The following CDC45 variants were observed in gnomAD, a reference collection of about 807,000 sequenced individuals.
CDC45 encodes cell division cycle 45.
In CDC45, 54 loss-of-function variants were observed where a neutral mutation model predicts 77.8. The observed-to-expected ratio is 0.69, with a 90% CI of 0.56 to 0.87. The LOEUF (loss-of-function observed/expected upper bound fraction) is 0.87, where lower values mean the gene tolerates loss of function less well. Among genes scored for constraint, CDC45 ranks in the 40% least tolerant of loss-of-function variants. The pLI is 0.00. For synonymous variants in CDC45, 260 were observed against 272.1 expected, an observed-to-expected ratio of 0.96 and a Z score of 0.44; for missense variants, 649 against 721.6, an observed-to-expected ratio of 0.90 and a Z score of 1.15.
chr22:19,517,732 CTG>C (rs1933878602), intron 17 of CDC45, among the ~76,000 whole-genome samples: 1 of 152,192 alleles, frequency 6.6e-6, no homozygotes, highest in Non-Finnish European at 1.5e-5. Context: ...TCCTTGGTGT[CTG>C]TGTCCAAACC....
At chr22:19,479,513 C>T (rs1601911403), upstream of CDC45, 1 of 575,398 alleles carries the variant, frequency 1.7e-6, no homozygotes, top group South Asian at 1.5e-5. Flanking sequence ...AACTAAGCTA[C>T]AAATCCTTCT....
intron 10 of CDC45, 31 bp from the exon 11 acceptor site, chr22:19,507,355 G>A: frequency 6.2e-7 from 1 of 1,609,290 alleles, no homozygotes; most frequent in Non-Finnish European, 8.5e-7. Flanking sequence ...CGGCCAGTGG[G>A]TGCTTGCATG....
intron 10 of CDC45, among the ~76,000 whole-genome samples, 193 bp from the exon 11 acceptor site, chr22:19,507,193 C>T (rs1030442369): frequency 2.4e-4 from 36 of 152,250 alleles, no homozygotes; most frequent in African/African-American, 8.2e-4. Flanking sequence ...ATGCCTGTCA[C>T]TTCACAGGCT....
At chr22:19,510,408 G>C (rs1465778482) in intron 13 of CDC45, among the ~76,000 whole-genome samples, 1 of 152,200 alleles carries the variant, frequency 6.6e-6, no homozygotes, top group East Asian at 1.9e-4. Flanking sequence ...TGAATTGGCT[G>C]TTCTGAGCAT....
intron 8 of CDC45, 72 bp from the exon 9 acceptor site, chr22:19,499,029 T>A: frequency 6.6e-7 from 1 of 1,504,806 alleles, no homozygotes. Context: ...TTCCATCATC[T>A]CACTCCATCC....
intron 9 of CDC45, among the ~76,000 whole-genome samples, chr22:19,503,495 C>T (rs540927177): frequency 6.6e-4 from 100 of 152,314 alleles, no homozygotes; most frequent in African/African-American, 2.3e-3. Context: ...ACCAGGAGTT[C>T]AGCGGGTGGT....
chr22:19,480,250 G>C, intron 2 of CDC45, 33 bp downstream of exon 2: 2 of 1,600,702 alleles, frequency 1.2e-6, no homozygotes, highest in Non-Finnish European at 1.7e-6. Context: ...GGGCGGGGCC[G>C]GCGCGCGAGG....
intron 17 of CDC45, among the ~76,000 whole-genome samples, chr22:19,517,946 G>T (rs560153101): frequency 6.6e-6 from 1 of 152,182 alleles, no homozygotes; most frequent in Admixed American, 6.5e-5. Flanking sequence ...TCATCACCAC[G>T]GATTCCTCAA....
chr22:19,496,604 T>G (rs564915263), intron 7 of CDC45, among the ~76,000 whole-genome samples: 3 of 152,354 alleles, frequency 2.0e-5, no homozygotes, highest in African/African-American at 7.2e-5. Context: ...GATCATCCTT[T>G]TGCTGTCTCT....
intron 6 of CDC45, among the ~76,000 whole-genome samples, chr22:19,495,193 A>G (rs972721688): frequency 3.9e-5 from 6 of 152,254 alleles, no homozygotes; most frequent in Non-Finnish European, 5.9e-5. Flanking sequence ...ATACTTGTGC[A>G]TATTTTACAT....
chr22:19,493,752 G>A (rs535886577), intron 5 of CDC45, among the ~76,000 whole-genome samples: 1 of 152,138 alleles, frequency 6.6e-6, no homozygotes, highest in Non-Finnish European at 1.5e-5. Context: ...TACTTTGTTT[G>A]ATCTATGATG....
At chr22:19,496,740 G>T (rs1470978062) in intron 7 of CDC45, among the ~76,000 whole-genome samples, 1 of 152,186 alleles carries the variant, frequency 6.6e-6, no homozygotes, top group Non-Finnish European at 1.5e-5. Context: ...CCTGGAGGAA[G>T]CCCGCATCTC....
At chr22:19,497,104 G>A (rs2090255954) in intron 7 of CDC45, among the ~76,000 whole-genome samples, 2 of 152,172 alleles carry the variant, frequency 1.3e-5, no homozygotes, top group African/African-American at 4.8e-5. Flanking sequence ...GCTGCACCCG[G>A]GCTGCCCCTA....
intron 15 of CDC45, 121 bp downstream of exon 15, chr22:19,515,169 C>A: frequency 1.2e-6 from 1 of 807,086 alleles, no homozygotes; most frequent in Non-Finnish European, 1.9e-6. Context: ...AAGGTCTAGG[C>A]ACATCCATTA....
At chr22:19,508,412 G>T in intron 12 of CDC45, 118 bp from the exon 13 acceptor site, 2 of 1,050,086 alleles carry the variant, frequency 1.9e-6, no homozygotes, top group East Asian at 2.4e-5. Context: ...GAGCAGCATG[G>T]CTGTGCTGGA....
Position 19,481,733 on chromosome 22 carries a change from G to A in CDC45, c.204+688G>A, listed in dbSNP as rs553329928. 2.0e-5 allele frequency among the ~76,000 whole-genome samples: 3 copies of A among 152,020 alleles called. No homozygotes were observed. The East Asian group carries it at 5.8e-4, about 29-fold the overall frequency. ...GTCACTCAGGCTGGAGTGTCATGGT[G>A]CAATCTTGGCTCACTGCAACCTCCG... On this transcript the variant is annotated intron_variant, in intron 3 of 18. Coordinates refer to ENST00000263201, the MANE Select transcript of CDC45 (RefSeq NM_003504.5).
At chr22:19,508,500 G>C in intron 12 of CDC45, 30 bp from the exon 13 acceptor site, 1 of 1,613,370 alleles carries the variant, frequency 6.2e-7, no homozygotes, top group Non-Finnish European at 8.5e-7. Context: ...CACAATTTGA[G>C]GGTGACAGCT....
chr22:19,496,159 C>T, intron 7 of CDC45, 130 bp downstream of exon 7: 1 of 679,536 alleles, frequency 1.5e-6, no homozygotes, highest in South Asian at 1.7e-5. Context: ...TGTCTTCCCC[C>T]TGTGTGACCT....
rs754730066 is a variant in CDC45, at chr22:19,479,927, T to C, written c.-42T>C. On this transcript the variant is annotated 5_prime_UTR_variant, in exon 1 of 19. Transcript: ENST00000263201. ...GGAGTCTTGACCGCCGCCGGGCTCT[T>C]GGTACCTCAGCGCGAGCGCCAGGCG... 4.3e-6 allele frequency: 7 copies of C among 1,610,442 alleles called. No individual in the cohort carries two copies. Among genetic ancestry groups the C allele is most frequent in the East Asian group, 4.5e-5 (2 of 44,874 alleles).
Sources: allele counts gnomAD v4.1 joint callset (sites outside exome capture counted in the v4.1 genomes callset), GRCh38; gene constraint gnomAD v4.1.1; transcripts MANE v1.5; gene names NCBI Gene and HGNC (gene_info 2026-07-23, HGNC 2026-07-21).